Variants in NASP observed in about 807,000 individuals in gnomAD.
NASP encodes the protein nuclear autoantigenic sperm protein, also known as NASP histone chaperone.
Under a neutral mutation model 89.5 loss-of-function variants are expected in NASP, and 24 were observed. The ratio of observed to expected loss-of-function variants is 0.27; its 90% CI spans 0.19 to 0.38. NASP has a LOEUF of 0.38. Ranked by LOEUF, NASP falls within the 10% of genes least tolerant of loss-of-function variation. NASP has a pLI of 1.00. For synonymous variants in NASP, 306 were observed against 324.7 expected (o/e 0.94, Z 0.62); for missense variants, 848 against 921.4 (o/e 0.92, Z 1.03).
rs1310423382 is a variant in NASP, at chr1:45,595,127, TTTTGTG to T, written c.107+3859_107+3864del. The stretch of plus-strand genomic sequence containing the variant: ...TCCTGCCTCAGCCTGCCAGACTAAG[TTTTGTG>T]TGTGTGTGTGTGTGTGTGTGTGTGT... On this transcript the variant is annotated intron_variant, in intron 2 of 14. Coordinates refer to ENST00000350030, the MANE Select transcript of NASP (RefSeq NM_002482.4). 2.4e-4 allele frequency among the ~76,000 whole-genome samples: 31 copies of T among 129,532 alleles called. No individual in the cohort carries two copies. The East Asian group carries it at 3.6e-3, about 15-fold the overall frequency. 85.0% of individuals were successfully genotyped at this position (129,532 alleles called of 152,430 possible). A position where few individuals can be genotyped will look rare whatever the true frequency, so the allele number is the denominator to read the frequency against.
In NASP at chr1:45,607,502, A is replaced by G. The variant is rs1643927731; in HGVS notation, c.591A>G (p.Glu197=). The change falls in exon 6 of 15, where the codon GAA becomes GAG. Residue 197 remains glutamate (E), a synonymous_variant. Coordinates refer to ENST00000350030, the MANE Select transcript of NASP (RefSeq NM_002482.4). ...DISKSAEEPQ[E]KVDLTLDWLT... Reference sequence around the variant, plus strand: ...GTAAATCTGCAGAGGAGCCACAGGAAAAAGTTGACTTGACTCTAGATTGGT... The same window carrying G: ...GTAAATCTGCAGAGGAGCCACAGGAGAAAGTTGACTTGACTCTAGATTGGT... 1.2e-6 allele frequency: 2 copies of G among 1,614,042 alleles called. No individual in the cohort carries two copies. The highest frequency in any genetic ancestry group is 2.2e-5 in the East Asian group (1 of 44,888).
chr1:45,608,241 G>T lies in NASP; in HGVS notation c.1330G>T (p.Ala444Ser). The change falls in exon 6 of 15, where the codon GCC becomes TCC. Residue 444 changes from alanine (A) to serine (S), a missense_variant. Around this residue, in one of 5 missense-constraint regions of NASP, gnomAD observed 464 missense variants for 469.4 expected, o/e 0.99. Transcript: ENST00000350030. ...AAGDGVDTKV[A>S]QGATEKSPED... ...TGGAGATGGGGTTGATACCAAGGTA[G>T]CCCAGGGAGCTACTGAGAAATCACC... is the stretch of plus-strand genomic sequence containing the variant. The T allele has an allele frequency of 6.2e-7, 1 of 1,614,116 alleles. No homozygotes were observed. The highest frequency in any genetic ancestry group is 8.5e-7 in the Non-Finnish European group (1 of 1,179,986).
At chr1:45,588,656 G>A (rs556265158) in intron 1 of NASP, 175 of 450,918 alleles carry the variant, frequency 3.9e-4, no homozygotes, top group Middle Eastern at 1.6e-3. Context: ...TTAAGAATGA[G>A]CGGCCGGGCG....
At chr1:45,587,466 C>T (rs1485947317) in intron 1 of NASP, among the ~76,000 whole-genome samples, 2 of 151,740 alleles carry the variant, frequency 1.3e-5, no homozygotes, top group Admixed American at 1.3e-4. Flanking sequence ...TTTAATACTG[C>T]ATCTTTGTTC....
chr1:45,616,318 G>T lies in NASP; in HGVS notation c.2023-19G>T. ...TGGGTTCTATCTTCAAACTAATTTG[G>T]ATTTGTCATTTCTCGCAGGTGGAGA... On this transcript the variant is annotated intron_variant, in intron 11 of 14. Transcript: ENST00000350030. 1 of 1,613,466 alleles carries T rather than the reference G, an allele frequency of 6.2e-7. No individual in the cohort carries two copies. The highest frequency in any genetic ancestry group is 8.5e-7 in the Non-Finnish European group (1 of 1,179,376).
intron 11 of NASP, 136 bp from the exon 12 acceptor site, chr1:45,616,201 G>A: frequency 1.3e-6 from 1 of 773,480 alleles, no homozygotes; most frequent in South Asian, 1.5e-5. Flanking sequence ...GCCAGGGGTA[G>A]AACTGGATAC....
intron 1 of NASP, among the ~76,000 whole-genome samples, chr1:45,586,094 A>G (rs770328548): frequency 6.8e-6 from 1 of 146,466 alleles, no homozygotes; most frequent in Non-Finnish European, 1.5e-5. Flanking sequence ...AAGAAAGCAA[A>G]CCATTTAGTT....
chr1:45,618,839 T>G lies in NASP; in HGVS notation c.*698T>G, dbSNP rs1644155706. ...TAGAAAGGTTGAGATATATCAACAC[T>G]TGGAATTGTTACCCATCTGCAGAAT... On this transcript the variant is annotated 3_prime_UTR_variant, in exon 15 of 15. Transcript: ENST00000350030. 2 of 152,244 alleles carry G rather than the reference T, an allele frequency of 1.3e-5. No homozygotes were observed. Among genetic ancestry groups the G allele is most frequent in the Non-Finnish European group, 2.9e-5 (2 of 68,056 alleles). The allele number at this position is 152,244 out of a possible 1,614,324, so 9.4% of individuals were successfully genotyped here.
rs763558137 is a variant in NASP at position 45,616,409 on chromosome 1, G to GT, written c.2079+22dup. On this transcript the variant is annotated intron_variant, in intron 12 of 14. Coordinates refer to ENST00000350030, the MANE Select transcript of NASP (RefSeq NM_002482.4). ...AGTCTCCATGGTGCGTATTCAGGTG[G>GT]TTTTTTGGTCACTTACATTAAGTCT... 27 of 1,613,432 alleles carry GT rather than the reference G, an allele frequency of 1.7e-5. No individual in the cohort carries two copies. The East Asian group carries it at 2.7e-4, about 16-fold the overall frequency.
rs2148355026 is a variant in NASP at position 45,605,225 on chromosome 1, A to G, written c.299+209A>G. On this transcript the variant is annotated intron_variant, in intron 4 of 14. Transcript: ENST00000350030. Reference sequence around the variant, plus strand: ...AGTCAGTAGAAGCAAAGTTCTTTCCAGTAGTGAATGATCCAAAGTTCAGTG... The same window carrying G: ...AGTCAGTAGAAGCAAAGTTCTTTCCGGTAGTGAATGATCCAAAGTTCAGTG... Among the ~76,000 whole-genome samples, 2 of 152,364 alleles carry G rather than the reference A, an allele frequency of 1.3e-5. 1 individual carries two copies. The highest frequency in any genetic ancestry group is 4.1e-4 in the South Asian group (2 of 4,828).
chr1:45,587,687 T>TATATATATATATATATATAA (rs66829841), intron 1 of NASP, among the ~76,000 whole-genome samples: 3,367 of 78,074 alleles, frequency 0.043, 624 homozygotes, highest in East Asian at 0.074. Context: ...TATATATATA[T>TATATATATATATATATATAA]AATTAATTTT....
intron 13 of NASP, chr1:45,617,104 A>G (rs1644120389): frequency 1.3e-5 from 4 of 297,196 alleles, no homozygotes; most frequent in Admixed American, 4.9e-5. Flanking sequence ...CGGCATCCCA[A>G]AGTGCTGGGA....
intron 1 of NASP, among the ~76,000 whole-genome samples, chr1:45,588,038 G>A (rs911224245): frequency 3.3e-5 from 5 of 151,686 alleles, no homozygotes; most frequent in Admixed American, 1.3e-4. Flanking sequence ...CCAGGAGTTC[G>A]AGACCAGCCT....
chr1:45,593,733 G>A (rs1274053058), intron 2 of NASP, among the ~76,000 whole-genome samples: 1 of 150,662 alleles, frequency 6.6e-6, no homozygotes, highest in African/African-American at 2.4e-5. Flanking sequence ...GGCTGGGTGT[G>A]GTAGCTTACA....
At chr1:45,591,351 TTTAA>T (rs1643543664) in intron 2 of NASP, 81 bp downstream of exon 2, 8 of 998,062 alleles carry the variant, frequency 8.0e-6, no homozygotes, top group Admixed American at 2.7e-5. Context: ...ATTTTTATTT[TTTAA>T]TTAATTTATT....
chr1:45,596,590 C>A (rs79325394), intron 2 of NASP, among the ~76,000 whole-genome samples: 40 of 152,110 alleles, frequency 2.6e-4, no homozygotes, highest in Non-Finnish European at 1.9e-4. Flanking sequence ...TTTATGTAAT[C>A]GTTCATAAGT....
intron 1 of NASP, among the ~76,000 whole-genome samples, chr1:45,587,208 TGA>T (rs568172485): frequency 6.7e-4 from 102 of 152,168 alleles, no homozygotes; most frequent in African/African-American, 2.3e-3. Flanking sequence ...GTTTTTTTTT[TGA>T]GAGGGAGTTT....
At chr1:45,586,287 GTGTGTGTGT>G (rs1644544580) in intron 1 of NASP, among the ~76,000 whole-genome samples, 14 of 76,614 alleles carry the variant, frequency 1.8e-4, no homozygotes, top group African/African-American at 5.1e-4. Context: ...TGTGTGTGGT[GTGTGTGTGT>G]GTGTGTGTGT....
At position 45,608,332 on chromosome 1, in the gene NASP, G is replaced by A. The variant is rs1444793264; in HGVS notation, c.1421G>A (p.Gly474Asp). The A allele has an allele frequency of 2.5e-6, 4 of 1,604,276 alleles. No individual in the cohort carries two copies. The highest frequency in any genetic ancestry group is 1.3e-5 in the African/African-American group (1 of 74,722). ...TQEREEQMKEGEETEGSEEDD... is the reference protein window; with the variant it reads ...TQEREEQMKEDEETEGSEEDD... ...GAGAGAGAAGAACAGATGAAAGAGG[G>A]TGAAGGTAACCGGGATATGCAAGAG... The change falls in exon 6 of 15, where the codon GGT becomes GAT. Residue 474 changes from glycine to aspartate, a missense_variant. This residue lies in a region of NASP where 464 missense variants were observed against 469.4 expected (regional missense o/e 0.99). Transcript: ENST00000350030.
Sources: gnomAD v4.1 joint callset for allele counts (sites outside exome capture counted in the v4.1 genomes callset) on GRCh38, gnomAD v4.1.1 for gene constraint, gnomAD v4.1.1 regional missense constraint, MANE v1.5 for transcripts, NCBI Gene and HGNC (gene_info 2026-07-23, HGNC 2026-07-21) for gene names.